The following GLDC variants were observed in gnomAD, a reference collection of about 807,000 sequenced individuals.
GLDC encodes glycine dehydrogenase (decarboxylating), mitochondrial.
In GLDC, 104 loss-of-function variants were observed where a neutral mutation model predicts 121.3. The observed-to-expected ratio is 0.86, with a 90% CI of 0.73 to 1.01. The LOEUF (loss-of-function observed/expected upper bound fraction) is 1.01, where lower values mean the gene tolerates loss of function less well. GLDC is among the 50% of genes least tolerant of loss of function. The pLI, the probability that GLDC is intolerant of heterozygous loss-of-function variation, is 0.00. For synonymous variants in GLDC, 546 were observed against 480.6 expected, an observed-to-expected ratio of 1.14 and a Z score of -1.78; for missense variants, 1,429 against 1,306.6, an observed-to-expected ratio of 1.09 and a Z score of -1.44.
rs528671261 is a variant in GLDC at position 6,594,884 on chromosome 9, A to C, written c.1261+130T>G. ...AACAACAAAATAATCATGGATGTTG[A>C]AAGTATTTTTCCTCGTTTCTCACTT... On this transcript the variant is annotated intron_variant, in intron 9 of 24. Transcript: ENST00000321612. 16 of 721,356 alleles carry C rather than the reference A, an allele frequency of 2.2e-5. No homozygotes were observed. In the East Asian group the frequency reaches 4.0e-4, roughly 18 times the overall value. The allele number at this position is 721,356 out of a possible 1,614,324, so 44.7% of individuals were successfully genotyped here. A position where few individuals can be genotyped will look rare whatever the true frequency, so the allele number is the denominator to read the frequency against.
chr9:6,645,179 G>T, intron 1 of GLDC, 66 bp downstream of exon 1: 2 of 1,455,680 alleles, frequency 1.4e-6, no homozygotes, highest in Non-Finnish European at 1.8e-6. Context: ...GGAGCCGGGA[G>T]GCCGCGCAGG....
chr9:6,552,582 C>G (rs2129711578), intron 20 of GLDC, among the ~76,000 whole-genome samples: 1 of 152,264 alleles, frequency 6.6e-6, no homozygotes, highest in East Asian at 1.9e-4. Flanking sequence ...GTCAGCTCCA[C>G]AGAGTCCTCT....
chr9:6,634,958 G>T (rs1411140707), intron 2 of GLDC, among the ~76,000 whole-genome samples: 1 of 152,056 alleles, frequency 6.6e-6, no homozygotes, highest in Non-Finnish European at 1.5e-5. Context: ...AATCCCTTTT[G>T]GCTCTGAGCC....
chr9:6,568,421 C>G (rs1335884499), intron 15 of GLDC, among the ~76,000 whole-genome samples: 1 of 152,198 alleles, frequency 6.6e-6, no homozygotes, highest in African/African-American at 2.4e-5. Context: ...GGAGGACAGG[C>G]TAGGTCAGTG....
intron 20 of GLDC, among the ~76,000 whole-genome samples, chr9:6,551,585 G>C (rs1236398974): frequency 6.6e-6 from 1 of 152,172 alleles, no homozygotes; most frequent in African/African-American, 2.4e-5. Context: ...TAAAACAACA[G>C]TAGTACTTTG....
intron 3 of GLDC, among the ~76,000 whole-genome samples, chr9:6,612,873 A>G (rs190118234): frequency 9.2e-5 from 14 of 152,084 alleles, no homozygotes; most frequent in Admixed American, 8.5e-4. Context: ...AAAAACAAAA[A>G]ATAACCATGA....
intron 21 of GLDC, among the ~76,000 whole-genome samples, chr9:6,546,711 C>T (rs1817399205): frequency 6.6e-6 from 1 of 151,832 alleles, no homozygotes; most frequent in Non-Finnish European, 1.5e-5. Flanking sequence ...CCTGTAATCC[C>T]AGCATTTGGG....
chr9:6,569,996 A>C (rs1817926610), intron 15 of GLDC, among the ~76,000 whole-genome samples: 1 of 152,196 alleles, frequency 6.6e-6, no homozygotes, highest in Non-Finnish European at 1.5e-5. Context: ...GGATTAAAAA[A>C]CATCGTGGCT....
chr9:6,563,835 T>G (rs991946059), intron 16 of GLDC, among the ~76,000 whole-genome samples: 1 of 152,130 alleles, frequency 6.6e-6, no homozygotes, highest in Non-Finnish European at 1.5e-5. Flanking sequence ...TTCAAAGATC[T>G]TTAGACATGA....
In GLDC at chr9:6,645,394, C is replaced by G. The variant is rs573883784; in HGVS notation, c.106G>C (p.Asp36His). 4 of 1,506,264 alleles carry G rather than the reference C, an allele frequency of 2.7e-6. No individual in the cohort carries two copies. Among genetic ancestry groups the G allele is most frequent in the Non-Finnish European group, 3.5e-6 (4 of 1,128,954 alleles). 93.3% of individuals were successfully genotyped at this position (1,506,264 alleles called of 1,614,324 possible). ...SGPCWAPRSR[D>H]SSSGGGDSAA... Reference sequence around the variant, plus strand: ...CTGTCCCCGCCGCCACTGCTGCTGTCCCGGCTCCGCGGCGCCCAGCACGGC... The same window carrying G: ...CTGTCCCCGCCGCCACTGCTGCTGTGCCGGCTCCGCGGCGCCCAGCACGGC... Residue 36 changes from aspartate to histidine, a missense_variant, in exon 1 of 25, where the codon GAC (aspartate) becomes CAC (histidine). Coordinates refer to ENST00000321612, the MANE Select transcript of GLDC (RefSeq NM_000170.3).
intron 2 of GLDC, among the ~76,000 whole-genome samples, chr9:6,639,842 C>T (rs1002511619): frequency 1.4e-4 from 21 of 152,046 alleles, no homozygotes; most frequent in African/African-American, 4.8e-4. Flanking sequence ...ACAAGTTAGA[C>T]TTACAGAGAA....
chr9:6,629,958 T>TATATATATA, intron 2 of GLDC, among the ~76,000 whole-genome samples: 4 of 78,660 alleles, frequency 5.1e-5, no homozygotes, highest in African/African-American at 1.8e-4. Context: ...TATATATATA[T>TATATATATA]TTTTTTTTTT....
chr9:6,595,608 G>A (rs1275564720), intron 8 of GLDC, among the ~76,000 whole-genome samples: 1 of 152,192 alleles, frequency 6.6e-6, no homozygotes, highest in Non-Finnish European at 1.5e-5. Context: ...AAACACTAGA[G>A]GCTGAACTTC....
intron 8 of GLDC, among the ~76,000 whole-genome samples, chr9:6,597,434 T>C (rs991459221): frequency 9.2e-5 from 14 of 152,134 alleles, no homozygotes; most frequent in Admixed American, 4.6e-4. Context: ...CACCTGACTT[T>C]AGAAAAGCCA....
intron 3 of GLDC, among the ~76,000 whole-genome samples, chr9:6,619,627 C>T (rs1387170550): frequency 1.3e-5 from 2 of 152,132 alleles, no homozygotes; most frequent in African/African-American, 2.4e-5. Context: ...ACTTGGGAGG[C>T]TGAGGCAGAA....
chr9:6,578,568 C>T (rs1457602265), intron 15 of GLDC, among the ~76,000 whole-genome samples: 4 of 151,600 alleles, frequency 2.6e-5, no homozygotes, highest in Admixed American at 2.6e-4. Context: ...GAAACAGAGT[C>T]TCACTCTGTT....
At chr9:6,591,466 T>C (rs1421293168) in intron 11 of GLDC, among the ~76,000 whole-genome samples, 1 of 152,220 alleles carries the variant, frequency 6.6e-6, no homozygotes, top group African/African-American at 2.4e-5. Context: ...GGGCCTAGCA[T>C]AGCACCTGAC....
intron 15 of GLDC, among the ~76,000 whole-genome samples, chr9:6,569,633 C>T (rs531331013): frequency 6.6e-6 from 1 of 152,142 alleles, no homozygotes; most frequent in Non-Finnish European, 1.5e-5. Flanking sequence ...GCCTGGGCAA[C>T]AGAGTGAGAC....
intron 13 of GLDC, 46 bp downstream of exon 13, chr9:6,588,572 G>C (rs780018609): frequency 1.3e-6 from 2 of 1,492,976 alleles, no homozygotes; most frequent in Non-Finnish European, 1.9e-6. Context: ...AAGAGACGTG[G>C]GATTGGGGTA....
Sources: allele counts gnomAD v4.1 joint callset (sites outside exome capture counted in the v4.1 genomes callset), GRCh38; gene constraint gnomAD v4.1.1; transcripts MANE v1.5; gene names NCBI Gene and HGNC (gene_info 2026-07-23, HGNC 2026-07-21).